PDE1B: variants seen among roughly 807,000 people sequenced by gnomAD.
The protein encoded by PDE1B is phosphodiesterase 1B.
In PDE1B, 13 loss-of-function variants were observed where a neutral mutation model predicts 66.7. The observed-to-expected ratio is 0.19, with a 90% CI of 0.13 to 0.31. The LOEUF (loss-of-function observed/expected upper bound fraction) is 0.31, where lower values mean the gene tolerates loss of function less well. Ranked by LOEUF, PDE1B falls within the 10% of genes least tolerant of loss-of-function variation. PDE1B has a pLI of 1.00. For synonymous variants in PDE1B, 230 were observed against 253.9 expected (o/e 0.91, Z 0.90); for missense variants, 485 against 682.3 (o/e 0.71, Z 3.22).
intron 2 of PDE1B, among the ~76,000 whole-genome samples, chr12:54,555,970 A>G (rs1301742932): frequency 1.3e-5 from 2 of 152,090 alleles, no homozygotes; most frequent in East Asian, 3.9e-4. Context: ...TGGTGATGGT[A>G]CAGGATAAGC....
chr12:54,576,061 C>T lies in PDE1B; in HGVS notation c.1337C>T (p.Pro446Leu), dbSNP rs777244007. 5.0e-6 allele frequency: 8 copies of T among 1,613,788 alleles called. No individual in the cohort carries two copies. In the Admixed American group the frequency reaches 1.3e-4, roughly 27 times the overall value. Reference protein sequence around the residue: ...LTDVAEKSVQPLADEDSKSKN... With the variant: ...LTDVAEKSVQLLADEDSKSKN... ...GACGTGGCAGAGAAGAGTGTTCAGC[C>T]CCTGGCGGATGAGGACTCCAAGTCT... The change falls in exon 13 of 16, where the codon CCC (proline) becomes CTC (leucine). Residue 446 changes from proline (P) to leucine (L), a missense_variant. Pro to Leu is a moderately conservative substitution (Grantham distance 98). Around this residue, in one of 4 missense-constraint regions of PDE1B, gnomAD observed 126 missense variants for 133.8 expected, o/e 0.94. Coordinates refer to ENST00000243052, the MANE Select transcript of PDE1B (RefSeq NM_000924.4).
In PDE1B at chr12:54,578,574, C is replaced by G. The variant is rs1957808711; in HGVS notation, c.*732C>G. ...GGGCTGCGGGAGGCCTTTCCTGGGA[C>G]CTTCCTTGGGACTGGTCTGGGCCCC... On this transcript the variant is annotated 3_prime_UTR_variant, in exon 16 of 16. Coordinates refer to ENST00000243052, the MANE Select transcript of PDE1B (RefSeq NM_000924.4). 6.6e-6 allele frequency: 1 copy of G among 152,320 alleles called. No homozygotes were observed. The highest frequency in any genetic ancestry group is 1.5e-5 in the Non-Finnish European group (1 of 68,162). The allele number at this position is 152,320 out of a possible 1,614,324, so 9.4% of individuals were successfully genotyped here.
At chr12:54,552,333 G>T (rs559358735) in intron 2 of PDE1B, among the ~76,000 whole-genome samples, 1 of 152,190 alleles carries the variant, frequency 6.6e-6, no homozygotes, top group Non-Finnish European at 1.5e-5. Context: ...GGTGGGAAGG[G>T]GTTGCTAAGT....
intron 2 of PDE1B, among the ~76,000 whole-genome samples, chr12:54,552,219 T>C (rs1242007437): frequency 1.3e-5 from 2 of 152,082 alleles, no homozygotes; most frequent in African/African-American, 4.8e-5. Flanking sequence ...GGGTAAGAGG[T>C]GGGAGTTTCC....
chr12:54,561,206 G>A (rs1957405203), intron 2 of PDE1B, among the ~76,000 whole-genome samples: 1 of 152,164 alleles, frequency 6.6e-6, no homozygotes, highest in South Asian at 2.1e-4. Flanking sequence ...CCCTGTCCCT[G>A]CACTCTTAAG....
rs1957714764 is a variant in PDE1B at position 54,575,326 on chromosome 12, TCTGAC to T, written c.1185+113_1185+117del. ...CATCCTCCTTTTGCTACCTGTAGTC[TCTGAC>T]CTGATCCCAAATCCTTGGGGTAAAA... On this transcript the variant is annotated intron_variant, in intron 11 of 15. Coordinates refer to ENST00000243052, the MANE Select transcript of PDE1B (RefSeq NM_000924.4). The surrounding 1 kb of genome is among the most constrained non-coding windows in gnomAD (Gnocchi z 4.0). 1 of 996,664 alleles carries T rather than the reference TCTGAC, an allele frequency of 1.0e-6. No individual in the cohort carries two copies. Among genetic ancestry groups the T allele is most frequent in the Non-Finnish European group, 1.6e-6 (1 of 640,426 alleles). 61.7% of individuals were successfully genotyped at this position (996,664 alleles called of 1,614,324 possible).
intron 2 of PDE1B, among the ~76,000 whole-genome samples, chr12:54,555,800 A>G (rs1394543094): frequency 1.3e-5 from 2 of 151,898 alleles, no homozygotes; most frequent in Non-Finnish European, 2.9e-5. Context: ...CTCTTTCGCT[A>G]TGAGGCTCCC....
rs1276699129 is a variant in PDE1B, at chr12:54,578,100, CCTCTGGATT to C, written c.*263_*271del. ...AGTGGTCACTGTGCCCATCCCTCAG[CCTCTGGATT>C]CTCTTCATGGCCAGGTGGCTGCCAG... On this transcript the variant is annotated 3_prime_UTR_variant, in exon 16 of 16. Transcript: ENST00000243052. The C allele has an allele frequency of 6.6e-6, 1 of 152,312 alleles. No individual in the cohort carries two copies. The highest frequency in any genetic ancestry group is 2.4e-5 in the African/African-American group (1 of 41,452). 9.4% of individuals were successfully genotyped at this position (152,312 alleles called of 1,614,324 possible).
intron 3 of PDE1B, 119 bp downstream of exon 3, chr12:54,567,206 G>C: frequency 1.3e-4 from 65 of 516,364 alleles, no homozygotes; most frequent in East Asian, 1.8e-4. Context: ...AAGAGAGAGG[G>C]TGGACCAGAT....
At chr12:54,577,562 A>G (rs781307545) in intron 15 of PDE1B, 3 of 1,531,606 alleles carry the variant, frequency 2.0e-6, no homozygotes, top group African/African-American at 1.4e-5. Flanking sequence ...CAAAGGAGGT[A>G]CCTTCTCAGA....
chr12:54,563,939 G>A (rs1040351370), intron 2 of PDE1B, among the ~76,000 whole-genome samples: 17 of 152,008 alleles, frequency 1.1e-4, no homozygotes, highest in African/African-American at 4.1e-4. Context: ...TTAAGCCCAG[G>A]AGCTTGAGGT....
intron 2 of PDE1B, among the ~76,000 whole-genome samples, chr12:54,551,512 C>T (rs1426333193): frequency 6.6e-6 from 1 of 152,086 alleles, no homozygotes; most frequent in Non-Finnish European, 1.5e-5. Flanking sequence ...GGTAAATGAG[C>T]TGGGGAAAGG....
At chr12:54,576,438 A>T in intron 13 of PDE1B, 133 bp from the exon 14 acceptor site, 1 of 986,266 alleles carries the variant, frequency 1.0e-6, no homozygotes, top group Non-Finnish European at 1.5e-6. Context: ...GGGAATATCT[A>T]GTAGAGGAAA....
intron 14 of PDE1B, chr12:54,576,923 C>T: frequency 1.6e-6 from 1 of 615,734 alleles, no homozygotes; most frequent in Non-Finnish European, 2.8e-6. Flanking sequence ...TCAGATATTC[C>T]ACAACCCAAG....
chr12:54,559,921 C>A (rs1356910467), intron 2 of PDE1B, among the ~76,000 whole-genome samples: 1 of 152,156 alleles, frequency 6.6e-6, no homozygotes, highest in Non-Finnish European at 1.5e-5. Context: ...ACAGAACATG[C>A]CAAATGACCT....
chr12:54,577,401 G>T lies in PDE1B; in HGVS notation c.*17+56G>T, dbSNP rs368791191. 6.8e-6 allele frequency: 11 copies of T among 1,608,382 alleles called. No individual in the cohort carries two copies. The African/African-American group carries it at 1.2e-4, about 18-fold the overall frequency. ...AGCTGGTGTCTATCATGGCATCTTT[G>T]TTGGGTCGTCTCTGGGCTCCAGTGG... On this transcript the variant is annotated intron_variant, in intron 15 of 15. Transcript: ENST00000243052.
In PDE1B at chr12:54,573,741, G is replaced by A; in HGVS notation, c.1064+32G>A. ...TCTGGTGGGGTGTGGCTGGGGCCAG[G>A]CCAGAGGGAGGGGTGTGTGAACTGG... On this transcript the variant is annotated intron_variant, in intron 10 of 15. Coordinates refer to ENST00000243052, the MANE Select transcript of PDE1B (RefSeq NM_000924.4). The surrounding 1 kb of genome is among the most constrained non-coding windows in gnomAD (Gnocchi z 5.2). 2.0e-6 allele frequency: 3 copies of A among 1,517,020 alleles called. No homozygotes were observed. 94.0% of individuals were successfully genotyped at this position (1,517,020 alleles called of 1,614,324 possible).
Position 54,576,000 on chromosome 12 carries a change from G to A in PDE1B, c.1276G>A (p.Asp426Asn), listed in dbSNP as rs372439210. The change falls in exon 13 of 16, where the codon GAC becomes AAC. Residue 426 changes from aspartate to asparagine, a missense_variant. Physicochemically the swap from Asp to Asn is conservative, Grantham distance 23. Around this residue, in one of 4 missense-constraint regions of PDE1B, gnomAD observed 3 missense variants for 16.4 expected, o/e 0.18. Coordinates refer to ENST00000243052, the MANE Select transcript of PDE1B (RefSeq NM_000924.4). This position sits in a 1 kb window ranked among gnomAD's most constrained non-coding sequence, Gnocchi z 4.0. ...LVAQSQIGFI[D>N]FIVEPTFSVL... is the part of the protein sequence containing the mutation. ...TTGCTCCTCCACTGCAGGGTTCATC[G>A]ACTTCATTGTGGAGCCCACATTCTC... is the stretch of plus-strand genomic sequence containing the variant. The A allele has an allele frequency of 2.0e-5, 32 of 1,611,030 alleles. No individual in the cohort carries two copies. Among genetic ancestry groups the A allele is most frequent in the Non-Finnish European group, 2.5e-5 (30 of 1,177,260 alleles).
At chr12:54,564,957 C>T (rs551321860) in intron 2 of PDE1B, among the ~76,000 whole-genome samples, 1 of 152,296 alleles carries the variant, frequency 6.6e-6, no homozygotes, top group African/African-American at 2.4e-5. Context: ...ATGGCAATTC[C>T]TTCCCCGCCT....
Sources: allele counts gnomAD v4.1 joint callset (sites outside exome capture counted in the v4.1 genomes callset), GRCh38; gene constraint gnomAD v4.1.1; regional missense constraint gnomAD v4.1.1; non-coding constraint Gnocchi (gnomAD v3.1); transcripts MANE v1.5; gene names NCBI Gene and HGNC (gene_info 2026-07-23, HGNC 2026-07-21).